COBLL1: variants seen among roughly 807,000 people sequenced by gnomAD.
The protein encoded by COBLL1 is cordon-bleu protein-like 1.
COBLL1 carries 50 observed loss-of-function variants against 94.8 expected under a neutral mutation model. The observed-to-expected ratio is 0.53, with a 90% confidence interval of 0.42 to 0.67. The LOEUF is 0.67. Ranked by LOEUF, COBLL1 falls within the 30% of genes least tolerant of loss-of-function variation. The pLI, the probability that COBLL1 is intolerant of heterozygous loss-of-function variation, is 0.00. For synonymous variants in COBLL1, 448 were observed against 473.8 expected (o/e 0.95, Z 0.71); for missense variants, 1,362 against 1,348.7 (o/e 1.01, Z -0.15).
At chr2:164,705,662 T>TG (rs1209083002) in intron 7 of COBLL1, among the ~76,000 whole-genome samples, 3 of 152,170 alleles carry the variant, frequency 2.0e-5, no homozygotes, top group Non-Finnish European at 4.4e-5. Context: ...CCTGACCAAA[T>TG]GCCATGTCAT....
At chr2:164,818,571 C>CGT (rs1302357714) in intron 2 of COBLL1, among the ~76,000 whole-genome samples, 2 of 145,684 alleles carry the variant, frequency 1.4e-5, no homozygotes, top group African/African-American at 5.1e-5. Flanking sequence ...ACATATATAG[C>CGT]ATATATGTAC....
In COBLL1 at chr2:164,743,668, T is replaced by A. The variant is rs1686709680; in HGVS notation, c.230+19A>T. The A allele has an allele frequency of 1.3e-5, 20 of 1,596,846 alleles. No individual in the cohort carries two copies. In the East Asian group the frequency reaches 4.2e-4, roughly 34 times the overall value. On this transcript the variant is annotated intron_variant, in intron 3 of 13. Transcript: ENST00000652658. ...GAATAAGAAGGGGAGGTCCTGATAT[T>A]TCATTTACTCCAGCGTACCTGCCAT...
chr2:164,696,057 CACA>C (rs1003762837), intron 11 of COBLL1: 1 of 451,460 alleles, frequency 2.2e-6, no homozygotes, highest in African/African-American at 2.0e-5. Flanking sequence ...CTAGTGTGGC[CACA>C]ACATGTTAAT....
At chr2:164,759,945 T>C (rs893074968) in intron 2 of COBLL1, among the ~76,000 whole-genome samples, 1 of 152,158 alleles carries the variant, frequency 6.6e-6, no homozygotes, top group African/African-American at 2.4e-5. Context: ...GTGGCTTGTA[T>C]AATGTGAATG....
intron 1 of COBLL1, among the ~76,000 whole-genome samples, chr2:164,668,700 T>G (rs1691203269): frequency 1.3e-5 from 2 of 152,196 alleles, no homozygotes; most frequent in Non-Finnish European, 2.9e-5. Flanking sequence ...GTGCCCTGCT[T>G]TTTAACTTTT....
chr2:164,713,364 C>T (rs1315828723), intron 7 of COBLL1, among the ~76,000 whole-genome samples: 1 of 152,044 alleles, frequency 6.6e-6, no homozygotes, highest in Admixed American at 6.6e-5. Flanking sequence ...GGGCCTGGAG[C>T]TCTTACATCT....
At chr2:164,823,968 T>C (rs914241905) in intron 2 of COBLL1, among the ~76,000 whole-genome samples, 6 of 152,236 alleles carry the variant, frequency 3.9e-5, no homozygotes, top group Non-Finnish European at 8.8e-5. Context: ...CGGTTTGCTA[T>C]GCAAATATTT....
At chr2:164,699,317 A>C in intron 11 of COBLL1, 88 bp downstream of exon 11, 1 of 832,364 alleles carries the variant, frequency 1.2e-6, no homozygotes, top group Non-Finnish European at 2.1e-6. Flanking sequence ...CAGGAGATTA[A>C]ATGAGTTAAT....
At chr2:164,727,143 G>A (rs954666698) in intron 5 of COBLL1, 5 of 1,500,396 alleles carry the variant, frequency 3.3e-6, no homozygotes, top group Admixed American at 2.0e-5. Flanking sequence ...TAACAGAAGT[G>A]GCTACAGAAG....
intron 12 of COBLL1, 28 bp downstream of exon 12, chr2:164,694,241 T>C (rs199894940): frequency 3.2e-4 from 507 of 1,581,224 alleles, no homozygotes; most frequent in Non-Finnish European, 4.0e-4. Context: ...TAAATTTGAA[T>C]ACTTATTTTT....
At chr2:164,780,651 A>C (rs1688684844) in intron 2 of COBLL1, among the ~76,000 whole-genome samples, 1 of 152,190 alleles carries the variant, frequency 6.6e-6, no homozygotes, top group Admixed American at 6.5e-5. Context: ...CAGCGAATGG[A>C]CAAGAGCTGC....
At chr2:164,837,431 T>C in intron 2 of COBLL1, 1 of 462,396 alleles carries the variant, frequency 2.2e-6, no homozygotes, top group Non-Finnish European at 4.5e-6. Flanking sequence ...AAATTACTTT[T>C]GACTATCGCT....
intron 7 of COBLL1, among the ~76,000 whole-genome samples, chr2:164,707,771 G>A (rs145095306): frequency 7.9e-5 from 12 of 152,262 alleles, no homozygotes; most frequent in African/African-American, 2.2e-4. Flanking sequence ...CCAGGGGCAC[G>A]TGTAAAGCTT....
chr2:164,831,426 CTTAAG>C (rs1354736877), intron 2 of COBLL1, among the ~76,000 whole-genome samples: 10 of 150,416 alleles, frequency 6.6e-5, no homozygotes, highest in African/African-American at 1.7e-4. Context: ...TTAAATTTTA[CTTAAG>C]TTATCTAGTA....
intron 2 of COBLL1, chr2:164,779,552 T>A: frequency 2.4e-6 from 1 of 419,590 alleles, no homozygotes; most frequent in Non-Finnish European, 4.9e-6. Flanking sequence ...TAATGACCTG[T>A]CCTGCCCTGC....
chr2:164,809,995 TG>T (rs886619324), intron 2 of COBLL1, among the ~76,000 whole-genome samples: 7 of 151,926 alleles, frequency 4.6e-5, no homozygotes, highest in African/African-American at 1.7e-4. Context: ...TACTTTGAGA[TG>T]TTTAGAAAAT....
chr2:164,738,361 AC>A (rs1207384522), intron 3 of COBLL1: 1 of 152,210 alleles, frequency 6.6e-6, no homozygotes, highest in East Asian at 1.9e-4. Context: ...TGAAGCTGAT[AC>A]CCGACTATAA....
rs1461378204 is a variant in COBLL1 at position 164,684,295 on chromosome 2, A to G, written c.*1651T>C. On this transcript the variant is annotated 3_prime_UTR_variant, in exon 14 of 14. Transcript: ENST00000652658. The stretch of plus-strand genomic sequence containing the variant: ...TTCATAAATTAAGCCTTTCTTATAT[A>G]TTAATATATTGAAAACATCTTACAT... 1.3e-5 allele frequency: 2 copies of G among 152,122 alleles called. No homozygotes were observed. Among genetic ancestry groups the G allele is most frequent in the Non-Finnish European group, 2.9e-5 (2 of 68,018 alleles). The allele number at this position is 152,122 out of a possible 1,614,324, so 9.4% of individuals were successfully genotyped here.
At chr2:164,773,364 A>G (rs1688299969) in intron 2 of COBLL1, among the ~76,000 whole-genome samples, 1 of 152,178 alleles carries the variant, frequency 6.6e-6, no homozygotes, top group Admixed American at 6.5e-5. Context: ...CAGTAAGAAC[A>G]TAATGAACAG....
Sources: gnomAD v4.1 joint callset for allele counts (sites outside exome capture counted in the v4.1 genomes callset) on GRCh38, gnomAD v4.1.1 for gene constraint, MANE v1.5 for transcripts, NCBI Gene and HGNC (gene_info 2026-07-23, HGNC 2026-07-21) for gene names.